CTDSPL: variants seen among roughly 807,000 people sequenced by gnomAD.
CTDSPL encodes CTD small phosphatase like.
Under a neutral mutation model 30.5 loss-of-function variants are expected in CTDSPL, and 8 were observed. That is an observed-to-expected ratio of 0.26 (90% confidence interval 0.15 to 0.47). The LOEUF is 0.47. Among genes scored for constraint, CTDSPL ranks in the 20% least tolerant of loss-of-function variants. The pLI is 0.99. For missense variants in CTDSPL, 248 were observed against 366.1 expected (o/e 0.68, Z 2.63); for synonymous variants, 110 against 137.9 (o/e 0.80, Z 1.42).
chr3:37,958,302 G>T (rs1304837885), intron 3 of CTDSPL, among the ~76,000 whole-genome samples: 1 of 152,232 alleles, frequency 6.6e-6, no homozygotes, highest in Non-Finnish European at 1.5e-5. Context: ...GTGCCTGAGG[G>T]TTGGGTTTTG....
At position 37,947,249 on chromosome 3, in the gene CTDSPL, G is replaced by A. The variant is rs778140744; in HGVS notation, c.234+38G>A. 3.1e-6 allele frequency: 5 copies of A among 1,589,050 alleles called. No individual in the cohort carries two copies. The African/African-American group carries it at 4.0e-5, about 13-fold the overall frequency. On this transcript the variant is annotated intron_variant, in intron 2 of 7. Transcript: ENST00000273179. ...GAGGAACTGTGCCCTCCATAAAACT[G>A]CAGCAGTGGCATCTCTGTCCCATCC...
At chr3:37,895,391 T>TA (rs929464020) in intron 1 of CTDSPL, among the ~76,000 whole-genome samples, 17 of 152,284 alleles carry the variant, frequency 1.1e-4, no homozygotes, top group African/African-American at 4.1e-4. Flanking sequence ...GGGCAGTTTT[T>TA]ACATAGAATT....
chr3:37,967,760 T>C, intron 4 of CTDSPL, 66 bp from the exon 5 acceptor site: 1 of 1,215,934 alleles, frequency 8.2e-7, no homozygotes, highest in South Asian at 1.4e-5. Context: ...GGCTTTTTTC[T>C]TGCTAAAATT....
At chr3:37,978,467 A>G (rs1413089835) in intron 7 of CTDSPL, among the ~76,000 whole-genome samples, 2 of 152,212 alleles carry the variant, frequency 1.3e-5, no homozygotes, top group Admixed American at 6.5e-5. Flanking sequence ...TGTTTTATGT[A>G]CAGCTTATAC....
intron 3 of CTDSPL, among the ~76,000 whole-genome samples, chr3:37,963,524 T>A (rs935923750): frequency 2.6e-5 from 4 of 152,220 alleles, no homozygotes; most frequent in African/African-American, 7.2e-5. Context: ...TTCCTTTTGT[T>A]TTGTATCAAA....
intron 1 of CTDSPL, among the ~76,000 whole-genome samples, chr3:37,867,271 G>C (rs1698020951): frequency 6.6e-6 from 1 of 152,106 alleles, no homozygotes; most frequent in African/African-American, 2.4e-5. Flanking sequence ...GATTCATCCA[G>C]GTTGTTCCTT....
chr3:37,957,252 A>G lies in CTDSPL; in HGVS notation c.267+109A>G. On this transcript the variant is annotated intron_variant, in intron 3 of 7. Transcript: ENST00000273179. ...TAATGTTATTGCTTATGGTGAGTTT[A>G]TCATGTGGTATAAACAGCTCTGTTC... 5.6e-6 allele frequency: 4 copies of G among 711,178 alleles called. No individual in the cohort carries two copies. In the South Asian group the frequency reaches 7.2e-5, roughly 13 times the overall value. 44.1% of individuals were successfully genotyped at this position (711,178 alleles called of 1,614,324 possible). A position where few individuals can be genotyped will look rare whatever the true frequency, so the allele number is the denominator to read the frequency against.
chr3:37,881,139 G>A (rs922579260), intron 1 of CTDSPL, among the ~76,000 whole-genome samples: 3 of 151,986 alleles, frequency 2.0e-5, no homozygotes, highest in East Asian at 3.9e-4. Flanking sequence ...CATTTTCTAG[G>A]AACTATTAGA....
intron 1 of CTDSPL, among the ~76,000 whole-genome samples, chr3:37,900,321 A>G (rs537312109): frequency 6.6e-6 from 1 of 152,330 alleles, no homozygotes; most frequent in East Asian, 1.9e-4. Context: ...AATACGAAAC[A>G]TGTATACAAC....
At chr3:37,951,384 G>A (rs1180187161) in intron 2 of CTDSPL, among the ~76,000 whole-genome samples, 1 of 150,940 alleles carries the variant, frequency 6.6e-6, no homozygotes, top group African/African-American at 2.4e-5. Context: ...AAAGAAAAAT[G>A]TTAGAAATAG....
At chr3:37,880,583 T>A (rs909858229) in intron 1 of CTDSPL, among the ~76,000 whole-genome samples, 4 of 152,210 alleles carry the variant, frequency 2.6e-5, no homozygotes, top group Non-Finnish European at 5.9e-5. Flanking sequence ...CTTGACTGTC[T>A]TCATAATCAC....
chr3:37,967,516 A>G (rs1417575492), intron 4 of CTDSPL, among the ~76,000 whole-genome samples: 1 of 152,232 alleles, frequency 6.6e-6, no homozygotes, highest in African/African-American at 2.4e-5. Context: ...CACCCCAGCA[A>G]GACTCTGGGC....
At chr3:37,955,372 A>G (rs1272600027) in intron 2 of CTDSPL, among the ~76,000 whole-genome samples, 2 of 152,202 alleles carry the variant, frequency 1.3e-5, no homozygotes, top group African/African-American at 4.8e-5. Flanking sequence ...GGCCGCAGTG[A>G]GCCGTGATCA....
intron 2 of CTDSPL, among the ~76,000 whole-genome samples, chr3:37,956,302 A>G (rs1699172637): frequency 6.6e-6 from 1 of 152,210 alleles, no homozygotes; most frequent in Non-Finnish European, 1.5e-5. Flanking sequence ...AAAAATGGAC[A>G]CATCTTTTCA....
rs763826167 is a variant in CTDSPL, at chr3:37,975,759, C to T, written c.570C>T (p.Ala190=). 4.6e-5 allele frequency: 74 copies of T among 1,613,998 alleles called. No homozygotes were observed. Among genetic ancestry groups the T allele is most frequent in the Non-Finnish European group, 5.9e-5 (70 of 1,180,034 alleles). ...TAGACCGCTGGGGTGTGTTCCGGGCCCGGCTCTTCAGAGAATCATGTGTTT... is the reference window on the plus strand; with the variant it reads ...TAGACCGCTGGGGTGTGTTCCGGGCTCGGCTCTTCAGAGAATCATGTGTTT... ...DLLDRWGVFR[A]RLFRESCVFH... is the part of the protein sequence containing the mutation. The change falls in exon 7 of 8, where the codon GCC becomes GCT. Residue 190 remains alanine, a synonymous_variant. Transcript: ENST00000273179. This position sits in a 1 kb window ranked among gnomAD's most constrained non-coding sequence, Gnocchi z 4.9.
At chr3:37,886,398 AC>A (rs1698263846) in intron 1 of CTDSPL, among the ~76,000 whole-genome samples, 1 of 151,980 alleles carries the variant, frequency 6.6e-6, no homozygotes. Flanking sequence ...TATCACAATG[AC>A]CAGTCCCATC....
At chr3:37,901,605 A>G (rs1341117556) in intron 1 of CTDSPL, among the ~76,000 whole-genome samples, 1 of 152,210 alleles carries the variant, frequency 6.6e-6, no homozygotes, top group Non-Finnish European at 1.5e-5. Flanking sequence ...ATTTACTATG[A>G]TATGTCATGT....
intron 7 of CTDSPL, among the ~76,000 whole-genome samples, chr3:37,977,556 A>G (rs751524972): frequency 6.7e-5 from 10 of 149,598 alleles, no homozygotes; most frequent in Non-Finnish European, 1.2e-4. Context: ...TTAGAGCTCT[A>G]CTGCTTGATT....
At chr3:37,950,589 A>G (rs1395593956) in intron 2 of CTDSPL, among the ~76,000 whole-genome samples, 1 of 152,262 alleles carries the variant, frequency 6.6e-6, no homozygotes, top group African/African-American at 2.4e-5. Context: ...AGAGATGGTA[A>G]TTGTGAGAGA....
Sources: gnomAD v4.1 joint callset for allele counts (sites outside exome capture counted in the v4.1 genomes callset) on GRCh38, gnomAD v4.1.1 for gene constraint, Gnocchi (gnomAD v3.1) non-coding constraint, MANE v1.5 for transcripts, NCBI Gene and HGNC (gene_info 2026-07-23, HGNC 2026-07-21) for gene names.